EGF: variants seen among roughly 807,000 people sequenced by gnomAD.
EGF encodes epidermal growth factor, also known as pro-epidermal growth factor.
Under a neutral mutation model 143.8 loss-of-function variants are expected in EGF, and 95 were observed. The ratio of observed to expected loss-of-function variants is 0.66; its 90% CI spans 0.56 to 0.78. The LOEUF is 0.78. Among genes scored for constraint, EGF ranks in the 30% least tolerant of loss-of-function variants. The pLI, the probability that EGF is intolerant of heterozygous loss-of-function variation, is 0.00. For synonymous variants in EGF, 510 were observed against 510.5 expected (o/e 1.00, Z 0.01); for missense variants, 1,320 against 1,470.9 (o/e 0.90, Z 1.68).
At chr4:109,928,931 T>C (rs1739227055) in intron 1 of EGF, among the ~76,000 whole-genome samples, 1 of 152,074 alleles carries the variant, frequency 6.6e-6, no homozygotes. Flanking sequence ...AGAGGAGGGG[T>C]CTATTCAGTT....
intron 1 of EGF, among the ~76,000 whole-genome samples, chr4:109,926,246 G>A (rs909333557): frequency 3.3e-5 from 5 of 152,058 alleles, no homozygotes; most frequent in Admixed American, 6.6e-5. Flanking sequence ...TTGGCTTTTC[G>A]GAAGGCTGAG....
chr4:109,987,725 G>A lies in EGF; in HGVS notation c.2492-19G>A, dbSNP rs11569045. On this transcript the variant is annotated intron_variant, in intron 16 of 23. Coordinates refer to ENST00000265171, the MANE Select transcript of EGF (RefSeq NM_001963.6). Reference sequence around the variant, plus strand: ...TCTAAGGTCTAGAAATAACTGCACGGGATTCTTGCTATTTGTAGATCAAGA... The same window carrying A: ...TCTAAGGTCTAGAAATAACTGCACGAGATTCTTGCTATTTGTAGATCAAGA... The A allele has an allele frequency of 5.7e-3, 9,062 of 1,595,104 alleles. 401 individuals carry two copies. The African/African-American group carries it at 0.1, about 18-fold the overall frequency.
intron 20 of EGF, among the ~76,000 whole-genome samples, chr4:109,997,513 G>GTGCA (rs891043359): frequency 8.6e-5 from 13 of 151,878 alleles, no homozygotes; most frequent in Middle Eastern, 3.4e-3. Context: ...CCAGGCTGGA[G>GTGCA]TGCAGTGGCG....
chr4:109,969,000 G>C lies in EGF; in HGVS notation c.1605G>C (p.Trp535Cys), dbSNP rs183070115. ...KIYFAHTALK[W>C]IERANMDGSQ... Reference sequence around the variant, plus strand: ...ACTTTGCCCATACAGCCCTGAAGTGGATAGAGAGAGCTAATATGGATGGTT... The same window carrying C: ...ACTTTGCCCATACAGCCCTGAAGTGCATAGAGAGAGCTAATATGGATGGTT... The change falls in exon 11 of 24, where the codon TGG (tryptophan) becomes TGC (cysteine). Residue 535 changes from tryptophan to cysteine, a missense_variant. Physicochemically the swap from Trp to Cys is radical, Grantham distance 215. Around this residue, in one of 5 missense-constraint regions of EGF, gnomAD observed 1,186 missense variants for 1,313.7 expected, o/e 0.90. Transcript: ENST00000265171. 6.2e-7 allele frequency: 1 copy of C among 1,614,162 alleles called. No individual in the cohort carries two copies. The highest frequency in any genetic ancestry group is 2.2e-5 in the East Asian group (1 of 44,884).
At chr4:109,947,832 C>T (rs548753239) in intron 5 of EGF, among the ~76,000 whole-genome samples, 14 of 152,182 alleles carry the variant, frequency 9.2e-5, no homozygotes, top group African/African-American at 2.9e-4. Context: ...TTTAGTTTAT[C>T]GGTTTGTCAC....
intron 15 of EGF, 145 bp downstream of exon 15, chr4:109,981,120 A>T: frequency 7.6e-7 from 1 of 1,312,584 alleles, no homozygotes; most frequent in South Asian, 1.2e-5. Context: ...TTGTTTGTTT[A>T]TTTGTTCTCT....
chr4:109,960,786 G>T (rs538008849), intron 6 of EGF, 81 bp from the exon 7 acceptor site: 1 of 1,539,800 alleles, frequency 6.5e-7, no homozygotes, highest in African/African-American at 1.4e-5. Context: ...GATACCCTGC[G>T]TTGTGATGAC....
At chr4:109,953,136 T>C (rs1200527627) in intron 5 of EGF, among the ~76,000 whole-genome samples, 1 of 152,226 alleles carries the variant, frequency 6.6e-6, no homozygotes, top group Admixed American at 6.5e-5. Context: ...GAATGCTTTA[T>C]GGGTGGCACT....
intron 5 of EGF, among the ~76,000 whole-genome samples, chr4:109,949,807 G>C (rs1302193839): frequency 6.6e-6 from 1 of 152,180 alleles, no homozygotes; most frequent in Non-Finnish European, 1.5e-5. Flanking sequence ...CAAGGGAGGG[G>C]CTTACAAAGG....
At chr4:109,942,648 T>C (rs1742116961) in intron 2 of EGF, among the ~76,000 whole-genome samples, 1 of 152,238 alleles carries the variant, frequency 6.6e-6, no homozygotes, top group African/African-American at 2.4e-5. Context: ...TGAAAAGTTC[T>C]GGTTGGGCAT....
intron 1 of EGF, among the ~76,000 whole-genome samples, chr4:109,914,975 C>T (rs1208059111): frequency 6.6e-6 from 1 of 152,124 alleles, no homozygotes; most frequent in African/African-American, 2.4e-5. Context: ...AAAGAAGAAC[C>T]CAGGTTGCTG....
intron 14 of EGF, 123 bp downstream of exon 14, chr4:109,980,262 A>T (rs1749148898): frequency 2.0e-6 from 2 of 1,021,604 alleles, no homozygotes; most frequent in East Asian, 2.6e-5. Context: ...AACTGTGTAG[A>T]TGTTAAGATT....
chr4:109,995,890 C>T (rs1751729433), intron 20 of EGF, among the ~76,000 whole-genome samples: 1 of 152,140 alleles, frequency 6.6e-6, no homozygotes, highest in Non-Finnish European at 1.5e-5. Context: ...ATCATGTCCG[C>T]ATGACAAAAA....
intron 7 of EGF, 74 bp from the exon 8 acceptor site, chr4:109,961,789 A>G: frequency 6.9e-6 from 11 of 1,592,400 alleles, no homozygotes; most frequent in Non-Finnish European, 9.4e-6. Flanking sequence ...ACCTGGCAAT[A>G]TTAGCAACTG....
Position 109,999,693 on chromosome 4 carries a change from A to T in EGF, c.3020A>T (p.Tyr1007Phe). The T allele has an allele frequency of 6.2e-7, 1 of 1,614,104 alleles. No homozygotes were observed. Among genetic ancestry groups the T allele is most frequent in the Non-Finnish European group, 8.5e-7 (1 of 1,180,012 alleles). Residue 1007 changes from tyrosine (Y) to phenylalanine (F), a missense_variant, in exon 21 of 24, where the codon TAC becomes TTC. Around this residue, in one of 5 missense-constraint regions of EGF, gnomAD observed 1,186 missense variants for 1,313.7 expected, o/e 0.90. Transcript: ENST00000265171. The stretch of plus-strand genomic sequence containing the variant: ...TGTTGTCACAGCTGTGTTGTTGGCT[A>T]CATCGGGGAGCGATGTCAGTACCGA... The part of the protein sequence containing the change: ...DKYACNCVVG[Y>F]IGERCQYRDL...
At chr4:109,959,787 G>A (rs1745396167) in intron 6 of EGF, among the ~76,000 whole-genome samples, 1 of 151,878 alleles carries the variant, frequency 6.6e-6, no homozygotes, top group African/African-American at 2.4e-5. Context: ...TTAGGGGAGT[G>A]GTTTCATAGG....
chr4:109,985,859 A>G (rs1182221783), intron 16 of EGF, among the ~76,000 whole-genome samples: 1 of 152,230 alleles, frequency 6.6e-6, no homozygotes, highest in African/African-American at 2.4e-5. Context: ...AGTTTCACTA[A>G]CAGGACCTTG....
chr4:110,006,194 A>T (rs201881555), intron 22 of EGF, among the ~76,000 whole-genome samples: 1 of 148,692 alleles, frequency 6.7e-6, no homozygotes, highest in East Asian at 2.0e-4. Flanking sequence ...AAAAAAAAAA[A>T]CTTTGCTGGG....
chr4:109,961,095 C>A, intron 7 of EGF, 106 bp downstream of exon 7: 1 of 1,277,470 alleles, frequency 7.8e-7, no homozygotes, highest in Non-Finnish European at 1.1e-6. Context: ...CAGTGTGCAT[C>A]ATAATTACCT....
Sources: allele counts gnomAD v4.1 joint callset (sites outside exome capture counted in the v4.1 genomes callset), GRCh38; gene constraint gnomAD v4.1.1; regional missense constraint gnomAD v4.1.1; transcripts MANE v1.5; gene names NCBI Gene and HGNC (gene_info 2026-07-23, HGNC 2026-07-21).